Variants in DPP6 observed in about 807,000 individuals in gnomAD.
The protein encoded by DPP6 is A-type potassium channel modulatory protein DPP6.
A neutral mutation model predicts 122.6 loss-of-function variants in DPP6; 69 were observed. The observed-to-expected ratio is 0.56, with a 90% CI of 0.46 to 0.69. DPP6 has a LOEUF of 0.69. Ranked by LOEUF, DPP6 falls within the 30% of genes least tolerant of loss-of-function variation. The probability of loss-of-function intolerance (pLI) is 0.00; values close to 1 mark genes in which losing one functional copy is unlikely to be tolerated. For missense variants in DPP6, 928 were observed against 1,116.9 expected (o/e 0.83, Z 2.41); for synonymous variants, 418 against 433.1 (o/e 0.97, Z 0.43).
At chr7:153,874,661 C>A in the DPP6 span, among the ~76,000 whole-genome samples, 288 of 152,282 alleles carry the variant, frequency 1.9e-3, 2 homozygotes, top group African/African-American at 6.4e-3. Flanking sequence ...CAGGTGTGAG[C>A]CACTGTGTCT....
intron 1 of DPP6, among the ~76,000 whole-genome samples, chr7:154,298,807 G>A (rs1182399275): frequency 6.6e-6 from 1 of 152,104 alleles, no homozygotes; most frequent in Non-Finnish European, 1.5e-5. Flanking sequence ...GCCTGGGGGA[G>A]GGACAGACTT....
chr7:153,754,924 A>G, the DPP6 span, among the ~76,000 whole-genome samples: 5,177 of 151,628 alleles, frequency 0.034, 179 homozygotes, highest in African/African-American at 0.09. Context: ...CACCGTGAGT[A>G]TCTTTGCTGT....
chr7:154,406,747 C>A (rs1456053758), intron 1 of DPP6, among the ~76,000 whole-genome samples: 1 of 152,182 alleles, frequency 6.6e-6, no homozygotes, highest in Non-Finnish European at 1.5e-5. Context: ...GAGTCAAAAA[C>A]CCTGGATAGG....
intron 1 of DPP6, among the ~76,000 whole-genome samples, chr7:153,967,152 G>A (rs1795788086): frequency 6.6e-6 from 1 of 152,108 alleles, no homozygotes; most frequent in Non-Finnish European, 1.5e-5. Flanking sequence ...TCAAAGGTGA[G>A]GGGAAATGTT....
At chr7:154,729,683 C>T (rs925954754) in intron 8 of DPP6, among the ~76,000 whole-genome samples, 46 of 152,336 alleles carry the variant, frequency 3.0e-4, no homozygotes, top group African/African-American at 1.1e-3. Context: ...CTCTAACAGA[C>T]ATACTGGAAC....
At chr7:154,105,010 C>T (rs1189030404) in intron 1 of DPP6, among the ~76,000 whole-genome samples, 1 of 152,168 alleles carries the variant, frequency 6.6e-6, no homozygotes, top group African/African-American at 2.4e-5. Flanking sequence ...CGCCTGCGGT[C>T]CCAGCTACTC....
chr7:154,443,781 T>C (rs137855696), intron 1 of DPP6, among the ~76,000 whole-genome samples: 11 of 152,338 alleles, frequency 7.2e-5, no homozygotes, highest in African/African-American at 2.6e-4. Flanking sequence ...GAGCAAATGG[T>C]TAATTGTGAA....
At chr7:154,642,243 T>G (rs1236171277) in intron 6 of DPP6, among the ~76,000 whole-genome samples, 1 of 152,040 alleles carries the variant, frequency 6.6e-6, no homozygotes, top group Non-Finnish European at 1.5e-5. Flanking sequence ...TGTGTGACCT[T>G]GAGAGTTGTT....
chr7:154,117,374 GTTC>G (rs1807067527), intron 1 of DPP6, among the ~76,000 whole-genome samples: 1 of 152,096 alleles, frequency 6.6e-6, no homozygotes, highest in Admixed American at 6.6e-5. Context: ...GTCCTGTCTT[GTTC>G]TTCTCCTATT....
At chr7:154,690,347 C>T (rs1189036987) in intron 7 of DPP6, among the ~76,000 whole-genome samples, 5 of 152,160 alleles carry the variant, frequency 3.3e-5, no homozygotes, top group East Asian at 2.0e-4. Flanking sequence ...CCAGCAGAGA[C>T]GGTAAGCAGA....
chr7:154,175,967 C>T (rs1797782057), intron 1 of DPP6, among the ~76,000 whole-genome samples: 1 of 152,144 alleles, frequency 6.6e-6, no homozygotes, highest in Non-Finnish European at 1.5e-5. Flanking sequence ...GGATTACAGG[C>T]ATGAGCCACC....
intron 1 of DPP6, among the ~76,000 whole-genome samples, chr7:154,042,667 G>A (rs536513560): frequency 2.3e-4 from 35 of 152,322 alleles, no homozygotes; most frequent in South Asian, 8.3e-4. Flanking sequence ...TCTGTGACAA[G>A]GTATGGGCTA....
In DPP6 at chr7:154,483,583, T is replaced by A. The variant is rs1169001459; in HGVS notation, c.457+8546T>A. On this transcript the variant is annotated intron_variant, in intron 3 of 25. Coordinates refer to ENST00000377770, the MANE Select transcript of DPP6 (RefSeq NM_130797.4). This position sits in a 1 kb window ranked among gnomAD's most constrained non-coding sequence, Gnocchi z 8.1. The stretch of plus-strand genomic sequence containing the variant: ...TTATTTGGTCAATCCTGTTGGAAAG[T>A]TCTTAGTTACAGAAGTTAGTTGGGA... Among the ~76,000 whole-genome samples, 2 of 152,248 alleles carry A rather than the reference T, an allele frequency of 1.3e-5. No individual in the cohort carries two copies.
At chr7:154,804,769 G>A in intron 14 of DPP6, 148 bp from the exon 15 acceptor site, 1 of 1,115,182 alleles carries the variant, frequency 9.0e-7, no homozygotes, top group Non-Finnish European at 1.3e-6. Context: ...TCTGGTCACA[G>A]GTGTAGCTGG....
At chr7:154,720,712 A>G (rs185724298) in intron 7 of DPP6, among the ~76,000 whole-genome samples, 3 of 152,362 alleles carry the variant, frequency 2.0e-5, no homozygotes. Context: ...TCCATTGCAG[A>G]TGCAGGTACT....
At chr7:153,829,707 G>A in the DPP6 span, among the ~76,000 whole-genome samples, 1 of 152,224 alleles carries the variant, frequency 6.6e-6, no homozygotes, top group African/African-American at 2.4e-5. Flanking sequence ...GTGCATACCA[G>A]CTTTGGGTGG....
chr7:154,482,316 G>A (rs1174032256), intron 3 of DPP6, among the ~76,000 whole-genome samples: 1 of 151,922 alleles, frequency 6.6e-6, no homozygotes, highest in African/African-American at 2.4e-5. Flanking sequence ...GGGAGTATGG[G>A]GGAGAATTTA....
intron 1 of DPP6, among the ~76,000 whole-genome samples, chr7:153,915,270 C>T (rs940011448): frequency 6.6e-6 from 1 of 152,128 alleles, no homozygotes; most frequent in Non-Finnish European, 1.5e-5. Flanking sequence ...AAGTTTGTGA[C>T]CCATTTTCTG....
intron 1 of DPP6, among the ~76,000 whole-genome samples, chr7:154,409,380 C>A (rs1290252784): frequency 1.3e-5 from 2 of 152,298 alleles, no homozygotes; most frequent in Non-Finnish European, 1.5e-5. Flanking sequence ...AAGAGTCCTG[C>A]TGACACCTTC....
Sources: allele counts gnomAD v4.1 joint callset (sites outside exome capture counted in the v4.1 genomes callset), GRCh38; gene constraint gnomAD v4.1.1; non-coding constraint Gnocchi (gnomAD v3.1); transcripts MANE v1.5; gene names NCBI Gene and HGNC (gene_info 2026-07-23, HGNC 2026-07-21).